The following LRPAP1 variants were observed in gnomAD, a reference collection of about 807,000 sequenced individuals.
LRPAP1 encodes LDL receptor related protein associated protein 1, also known as alpha-2-macroglobulin receptor-associated protein.
In LRPAP1, 41 loss-of-function variants were observed where a neutral mutation model predicts 39.9. The observed-to-expected ratio is 1.03, with a 90% CI of 0.80 to 1.33. The LOEUF is 1.33. LRPAP1 is among the 40% of genes most tolerant of loss of function. LRPAP1 has a pLI of 0.00. For missense variants in LRPAP1, 565 were observed against 482.3 expected (o/e 1.17, Z -1.61); for synonymous variants, 263 against 212.7 (o/e 1.24, Z -2.06).
chr4:3,518,120 G>C lies in LRPAP1; in HGVS notation c.665C>G (p.Thr222Arg). The C allele has an allele frequency of 6.2e-7, 1 of 1,613,592 alleles. No individual in the cohort carries two copies. The highest frequency in any genetic ancestry group is 8.5e-7 in the Non-Finnish European group (1 of 1,179,978). ...IKGSVLHSRH[T>R]ELKEKLRSIN... ...GCTGCGCAGCTTCTCCTTCAGCTCC[G>C]TGTGCCTGCTGTGCAGGACGCTGCC... The change falls in exon 5 of 8, where the codon ACG becomes AGG. Residue 222 changes from threonine to arginine, a missense_variant. Transcript: ENST00000650182.
At position 3,520,155 on chromosome 4, in the gene LRPAP1, C is replaced by G. The variant is rs141746328; in HGVS notation, c.388G>C (p.Ala130Pro). The change falls in exon 3 of 8, where the codon GCT becomes CCT. Residue 130 changes from alanine to proline, a missense_variant. Coordinates refer to ENST00000650182, the MANE Select transcript of LRPAP1 (RefSeq NM_002337.4). The part of the protein sequence containing the change: ...AKYGLDGKKD[A>P]RQVTSNSLSG... ...AGGGAGTTGCTGGTCACCTGCCGAG[C>G]GTCCTTCTTTCCGTCCAGACCATAC... The G allele has an allele frequency of 6.2e-7, 1 of 1,614,208 alleles. No individual in the cohort carries two copies.
At chr4:3,530,588 C>T (rs951851290) in intron 1 of LRPAP1, among the ~76,000 whole-genome samples, 9 of 152,224 alleles carry the variant, frequency 5.9e-5, no homozygotes, top group African/African-American at 2.2e-4. Context: ...CCCAGTGAAC[C>T]TCAGGGAGGT....
chr4:3,520,403 C>T (rs561885416), intron 2 of LRPAP1, among the ~76,000 whole-genome samples: 26 of 152,336 alleles, frequency 1.7e-4, no homozygotes, highest in South Asian at 6.2e-4. Context: ...CACTTAGGAA[C>T]GGGTCTGGCG....
In LRPAP1 at chr4:3,526,004, T is replaced by G. The variant is rs6816497; in HGVS notation, c.205-953A>C. On this transcript the variant is annotated intron_variant, in intron 1 of 7. Transcript: ENST00000650182. ...AGCCCTTCAGGGAAGCGAAGGCTCT[T>G]CCGTGCAGAGCAGAGTGGCCCAGCT... Among the ~76,000 whole-genome samples the G allele has an allele frequency of 4.5e-3, 684 of 152,304 alleles. 5 individuals are homozygous for G. Among genetic ancestry groups the G allele is most frequent in the African/African-American group, 0.015 (642 of 41,566 alleles).
chr4:3,530,203 A>G (rs1038078492), intron 1 of LRPAP1, among the ~76,000 whole-genome samples: 7 of 152,170 alleles, frequency 4.6e-5, no homozygotes, highest in Non-Finnish European at 1.0e-4. Context: ...AAAGAGCCAC[A>G]GCACAAAGAC....
chr4:3,532,400 T>A lies in LRPAP1; in HGVS notation c.13A>T (p.Arg5Trp). Residue 5 changes from arginine to tryptophan, a missense_variant, in exon 1 of 8, where the codon AGG becomes TGG. Transcript: ENST00000650182. ...AGCCCGCGCAGAAACGACCTGACCC[T>A]CCGCGGCGCCATCTTCCTCTGCGAC... is the stretch of plus-strand genomic sequence containing the variant. MAPR[R>W]VRSFLRGLPA... The A allele has an allele frequency of 6.3e-7, 1 of 1,575,464 alleles. No homozygotes were observed. Among genetic ancestry groups the A allele is most frequent in the Non-Finnish European group, 8.6e-7 (1 of 1,162,084 alleles).
At chr4:3,521,212 C>A (rs1729899330) in intron 2 of LRPAP1, among the ~76,000 whole-genome samples, 1 of 152,210 alleles carries the variant, frequency 6.6e-6, no homozygotes, top group African/African-American at 2.4e-5. Flanking sequence ...TCTCCCAGGG[C>A]CCCGCCTCCC....
Position 3,510,630 on chromosome 4 carries a change from T to C in LRPAP1, c.*2344A>G, listed in dbSNP as rs1039961895. ...GAAACGTACACTCCTGAGTAGGGACTGGATACACACGCGGCACACACCCAC... is the reference window on the plus strand; with the variant it reads ...GAAACGTACACTCCTGAGTAGGGACCGGATACACACGCGGCACACACCCAC... On this transcript the variant is annotated 3_prime_UTR_variant, in exon 8 of 8. Coordinates refer to ENST00000650182, the MANE Select transcript of LRPAP1 (RefSeq NM_002337.4). 3.9e-5 allele frequency: 6 copies of C among 152,268 alleles called. No homozygotes were observed. Among genetic ancestry groups the C allele is most frequent in the African/African-American group, 1.2e-4 (5 of 41,470 alleles). 9.4% of individuals were successfully genotyped at this position (152,268 alleles called of 1,614,324 possible).
Position 3,513,027 on chromosome 4 carries a change from G to A in LRPAP1, c.1021C>T (p.His341Tyr), listed in dbSNP as rs1560252134. ...ATCCTGCCGGACAGGTCCTGCAGATGCTTCTTCACCTGTGGACAGAAACGT... is the reference window on the plus strand; with the variant it reads ...ATCCTGCCGGACAGGTCCTGCAGATACTTCTTCACCTGTGGACAGAAACGT... ...TKELGYTVKK[H>Y]LQDLSGRISR... Residue 341 changes from histidine to tyrosine, a missense_variant, in exon 8 of 8, where the codon CAT (histidine) becomes TAT (tyrosine). By Grantham distance (83) the His-to-Tyr change is moderately conservative (BLOSUM62 2). Coordinates refer to ENST00000650182, the MANE Select transcript of LRPAP1 (RefSeq NM_002337.4). 6.2e-7 allele frequency: 1 copy of A among 1,612,196 alleles called. No individual in the cohort carries two copies. The highest frequency in any genetic ancestry group is 1.1e-5 in the South Asian group (1 of 90,508).
rs1389780876 is a variant in LRPAP1, at chr4:3,505,997, A to G, written c.*6977T>C. Among the ~76,000 whole-genome samples, 1 of 150,352 alleles carries G rather than the reference A, an allele frequency of 6.7e-6. No homozygotes were observed. The highest frequency in any genetic ancestry group is 1.5e-5 in the Non-Finnish European group (1 of 67,408). ...AGGAGCTGAACCTAGAGATACCTGG[A>G]AACCCAGCTTAGGGAAGTAAAAAAA... is the stretch of plus-strand genomic sequence containing the variant. On this transcript the variant is annotated 3_prime_UTR_variant, in exon 8 of 8. Transcript: ENST00000650182.
intron 1 of LRPAP1, among the ~76,000 whole-genome samples, chr4:3,525,458 T>A (rs1011293573): frequency 2.6e-5 from 4 of 151,714 alleles, no homozygotes; most frequent in Admixed American, 6.6e-5. Context: ...AGTTCTTTTT[T>A]AAAAAAAATC....
At chr4:3,515,536 C>G (rs572526636) in intron 6 of LRPAP1, among the ~76,000 whole-genome samples, 1 of 152,160 alleles carries the variant, frequency 6.6e-6, no homozygotes, top group Non-Finnish European at 1.5e-5. Flanking sequence ...TCCCTCCCAA[C>G]AGACACCAGC....
intron 1 of LRPAP1, among the ~76,000 whole-genome samples, chr4:3,531,629 C>T (rs1301209251): frequency 1.3e-5 from 2 of 152,180 alleles, no homozygotes; most frequent in African/African-American, 4.8e-5. Context: ...TCCGTACCCT[C>T]ATCTCTCAAA....
In LRPAP1 at chr4:3,508,684, G is replaced by C. The variant is rs1256694395; in HGVS notation, c.*4290C>G. On this transcript the variant is annotated 3_prime_UTR_variant, in exon 8 of 8. Coordinates refer to ENST00000650182, the MANE Select transcript of LRPAP1 (RefSeq NM_002337.4). ...CAGCGTAATTCACTACAGTAATGCG[G>C]TAAGGAAGTGACCTCATGAGCATCT... is the stretch of plus-strand genomic sequence containing the variant. 3 of 152,190 alleles carry C rather than the reference G, an allele frequency of 2.0e-5. No individual in the cohort carries two copies. Among genetic ancestry groups the C allele is most frequent in the East Asian group, 1.9e-4 (1 of 5,202 alleles). 9.4% of individuals were successfully genotyped at this position (152,190 alleles called of 1,614,324 possible). A position where few individuals can be genotyped will look rare whatever the true frequency, so the allele number is the denominator to read the frequency against.
chr4:3,520,251 C>T (rs1729870982), intron 2 of LRPAP1, 58 bp from the exon 3 acceptor site: 5 of 1,583,366 alleles, frequency 3.2e-6, no homozygotes, highest in Non-Finnish European at 2.6e-6. Flanking sequence ...AGTCAAAAGC[C>T]AACACATCTG....
Position 3,520,109 on chromosome 4 carries a change from C to T in LRPAP1, c.434G>A (p.Gly145Glu). ...CTTTTCCAGCCTGGGGTCATCCAGC[C>T]CGTCTTCCTGGGTGCCACTGAGGGA... ...SNSLSGTQED[G>E]LDDPRLEKLW... is the part of the protein sequence containing the mutation. The change falls in exon 3 of 8, where the codon GGG (glycine) becomes GAG (glutamate). Residue 145 changes from glycine to glutamate, a missense_variant. Physicochemically the swap from Gly to Glu is moderately conservative, Grantham distance 98 (BLOSUM62 -2). Transcript: ENST00000650182. 6.2e-7 allele frequency: 1 copy of T among 1,614,174 alleles called. No individual in the cohort carries two copies. The highest frequency in any genetic ancestry group is 8.5e-7 in the Non-Finnish European group (1 of 1,180,032).
rs1380828993 is a variant in LRPAP1 at position 3,508,609 on chromosome 4, G to C, written c.*4365C>G. 6.6e-6 allele frequency: 1 copy of C among 152,170 alleles called. No homozygotes were observed. Among genetic ancestry groups the C allele is most frequent in the African/African-American group, 2.4e-5 (1 of 41,428 alleles). The allele number at this position is 152,170 out of a possible 1,614,324, so 9.4% of individuals were successfully genotyped here. ...TGCAGAGAAAAGGCCAATGCACCAT[G>C]GCCACAGGGACTTACCTGGAAATGC... On this transcript the variant is annotated 3_prime_UTR_variant, in exon 8 of 8. Coordinates refer to ENST00000650182, the MANE Select transcript of LRPAP1 (RefSeq NM_002337.4).
chr4:3,515,931 G>T (rs900287836), intron 6 of LRPAP1, 185 bp downstream of exon 6: 5 of 629,192 alleles, frequency 7.9e-6, no homozygotes, highest in African/African-American at 7.4e-5. Context: ...CCCCGCCCCT[G>T]AAACACGAGT....
At chr4:3,516,226 A>G (rs748224775) in intron 5 of LRPAP1, 28 bp from the exon 6 acceptor site, 1 of 1,538,412 alleles carries the variant, frequency 6.5e-7, no homozygotes. Context: ...GAGTGGCCTC[A>G]GCAGCACCCG....
Sources: allele counts gnomAD v4.1 joint callset (sites outside exome capture counted in the v4.1 genomes callset), GRCh38; gene constraint gnomAD v4.1.1; transcripts MANE v1.5; gene names NCBI Gene and HGNC (gene_info 2026-07-23, HGNC 2026-07-21).